Variants in DPP10 observed in about 807,000 individuals in gnomAD.
The protein encoded by DPP10 is dipeptidyl peptidase like 10, also known as inactive dipeptidyl peptidase 10.
In DPP10, 33 loss-of-function variants were observed where a neutral mutation model predicts 120.9. The observed-to-expected ratio is 0.27, with a 90% CI of 0.21 to 0.37. DPP10 has a LOEUF of 0.37. Ranked by LOEUF, DPP10 falls within the 10% of genes least tolerant of loss-of-function variation. DPP10 has a pLI of 1.00. For missense variants in DPP10, 816 were observed against 942.8 expected, an observed-to-expected ratio of 0.87 and a Z score of 1.76; for synonymous variants, 337 against 326.1, an observed-to-expected ratio of 1.03 and a Z score of -0.36.
At chr2:115,774,092 T>C (rs998367681) in intron 13 of DPP10, among the ~76,000 whole-genome samples, 2 of 152,022 alleles carry the variant, frequency 1.3e-5, no homozygotes, top group African/African-American at 4.8e-5. Flanking sequence ...ACTAAAAGGA[T>C]CATTGAAGTA....
chr2:115,790,710 C>T (rs1382797006), intron 17 of DPP10, among the ~76,000 whole-genome samples: 1 of 152,104 alleles, frequency 6.6e-6, no homozygotes, highest in Non-Finnish European at 1.5e-5. Context: ...GAACTACAAT[C>T]CAGGTGTCCT....
At chr2:115,698,979 CAA>C (rs983744153) in intron 7 of DPP10, among the ~76,000 whole-genome samples, 2 of 86,650 alleles carry the variant, frequency 2.3e-5, no homozygotes, top group Non-Finnish European at 4.6e-5. Context: ...GTTGGTTCTT[CAA>C]AAAAATCAAC....
intron 7 of DPP10, among the ~76,000 whole-genome samples, chr2:115,693,871 G>T (rs921488286): frequency 2.0e-5 from 3 of 152,068 alleles, no homozygotes; most frequent in Admixed American, 6.6e-5. Context: ...CTATTCTGGT[G>T]TTTAATGTAT....
At chr2:114,948,192 G>A (rs1272315828) in intron 1 of DPP10, among the ~76,000 whole-genome samples, 2 of 151,842 alleles carry the variant, frequency 1.3e-5, no homozygotes, top group African/African-American at 2.4e-5. Flanking sequence ...CAGCTCACTC[G>A]TTTGTTCTTT....
At chr2:115,092,625 A>G (rs566913579) in intron 1 of DPP10, among the ~76,000 whole-genome samples, 21 of 152,316 alleles carry the variant, frequency 1.4e-4, no homozygotes, top group Non-Finnish European at 2.5e-4. Context: ...AAATAAAAAA[A>G]GTAACATTTG....
intron 3 of DPP10, among the ~76,000 whole-genome samples, chr2:115,450,870 T>C (rs1354731860): frequency 6.6e-6 from 1 of 151,976 alleles, no homozygotes; most frequent in Admixed American, 6.6e-5. Context: ...TTTTATTTGT[T>C]ATGATTCTCA....
chr2:114,520,752 C>A (rs2104653089), intron 1 of DPP10, among the ~76,000 whole-genome samples: 1 of 152,276 alleles, frequency 6.6e-6, no homozygotes, highest in South Asian at 2.1e-4. Context: ...TTATCACAGT[C>A]ATTTGAAGAG....
chr2:115,559,971 A>G (rs1223116374), intron 5 of DPP10, among the ~76,000 whole-genome samples: 1 of 152,124 alleles, frequency 6.6e-6, no homozygotes, highest in Non-Finnish European at 1.5e-5. Context: ...GGGTACTTAC[A>G]TATGAATCTA....
At chr2:115,745,982 C>A (rs1677918519) in intron 9 of DPP10, 104 bp from the exon 10 acceptor site, 4 of 805,424 alleles carry the variant, frequency 5.0e-6, no homozygotes, top group Non-Finnish European at 7.5e-6. Context: ...AACTTTTTTT[C>A]TTTTCTAACA....
intron 1 of DPP10, among the ~76,000 whole-genome samples, chr2:115,027,666 C>T (rs529878838): frequency 6.6e-6 from 1 of 152,118 alleles, no homozygotes; most frequent in Non-Finnish European, 1.5e-5. Flanking sequence ...TAGAAGTATT[C>T]CGTCATCTTC....
At chr2:115,627,274 C>T (rs1228426957) in intron 5 of DPP10, among the ~76,000 whole-genome samples, 2 of 152,098 alleles carry the variant, frequency 1.3e-5, no homozygotes, top group Non-Finnish European at 2.9e-5. Context: ...CAGAATATAA[C>T]ACCTGACACT....
intron 1 of DPP10, among the ~76,000 whole-genome samples, chr2:115,003,700 C>A (rs1006728082): frequency 1.3e-5 from 2 of 151,904 alleles, no homozygotes; most frequent in East Asian, 3.9e-4. Flanking sequence ...AAAAGAACCA[C>A]AAATTATTGA....
intron 1 of DPP10, among the ~76,000 whole-genome samples, chr2:114,477,715 A>G (rs1174172908): frequency 6.6e-6 from 1 of 150,898 alleles, no homozygotes; most frequent in African/African-American, 2.4e-5. Flanking sequence ...GTGTGTATAT[A>G]TATATATACA....
At chr2:115,355,723 A>G (rs1207952782) in intron 3 of DPP10, among the ~76,000 whole-genome samples, 3 of 152,000 alleles carry the variant, frequency 2.0e-5, no homozygotes, top group Non-Finnish European at 4.4e-5. Flanking sequence ...ATCTTGAGTT[A>G]ATTTTTGTTT....
At chr2:115,441,902 A>T (rs770997566) in intron 3 of DPP10, among the ~76,000 whole-genome samples, 10 of 136,128 alleles carry the variant, frequency 7.3e-5, no homozygotes, top group Non-Finnish European at 1.4e-4. Context: ...TTCAACCTCC[A>T]CTTCCTGGGT....
intron 3 of DPP10, among the ~76,000 whole-genome samples, chr2:115,483,475 C>CTATCTA (rs556720925): frequency 1.8e-4 from 15 of 84,978 alleles, no homozygotes; most frequent in African/African-American, 8.8e-5. Flanking sequence ...ATCTATCTAT[C>CTATCTA]TATCTGTATG....
intron 1 of DPP10, among the ~76,000 whole-genome samples, chr2:114,683,357 G>T (rs1196700893): frequency 1.3e-5 from 2 of 151,832 alleles, no homozygotes; most frequent in Admixed American, 1.3e-4. Flanking sequence ...AAGTGGTCTT[G>T]TCAAAAAGTA....
intron 7 of DPP10, among the ~76,000 whole-genome samples, chr2:115,690,897 C>A: frequency 6.6e-6 from 1 of 152,124 alleles, no homozygotes; most frequent in Non-Finnish European, 1.5e-5. Context: ...TGAGAGCGTT[C>A]CCTTGGTTCC....
intron 3 of DPP10, among the ~76,000 whole-genome samples, chr2:115,478,735 G>C (rs572212299): frequency 9.9e-5 from 15 of 152,028 alleles, no homozygotes; most frequent in Non-Finnish European, 1.9e-4. Flanking sequence ...ATAATTGATA[G>C]ACAAAGGAGT....
Sources: gnomAD v4.1 joint callset for allele counts (sites outside exome capture counted in the v4.1 genomes callset) on GRCh38, gnomAD v4.1.1 for gene constraint, MANE v1.5 for transcripts, NCBI Gene and HGNC (gene_info 2026-07-23, HGNC 2026-07-21) for gene names.